THOC2: variants seen among roughly 807,000 people sequenced by gnomAD.
The protein encoded by THOC2 is THO complex 2.
In THOC2, 10 loss-of-function variants were observed where a neutral mutation model predicts 128.4. That is an observed-to-expected ratio of 0.08 (90% confidence interval 0.05 to 0.13). The LOEUF (loss-of-function observed/expected upper bound fraction) is 0.13, where lower values mean the gene tolerates loss of function less well. Among genes scored for constraint, THOC2 ranks in the 10% least tolerant of loss-of-function variants. THOC2 has a pLI of 1.00. For missense variants in THOC2, 535 were observed against 1,155.7 expected, an observed-to-expected ratio of 0.46 and a Z score of 7.79; for synonymous variants, 393 against 396.9, an observed-to-expected ratio of 0.99 and a Z score of 0.12.
intron 15 of THOC2, among the ~76,000 whole-genome samples, chrX:123,643,335 TA>T (rs1032589918): frequency 1.8e-5 from 2 of 111,506 alleles, no homozygotes; most frequent in Non-Finnish European, 3.8e-5. Flanking sequence ...TACCTTCAGG[TA>T]AAGTCAGTCA....
intron 1 of THOC2, among the ~76,000 whole-genome samples, chrX:123,717,754 A>G (rs1229697251): frequency 2.7e-5 from 3 of 110,604 alleles, no homozygotes; most frequent in Admixed American, 9.7e-5. Context: ...AAGCTAAAGT[A>G]TCACACTATT....
rs1222767941 is a variant in THOC2, at chrX:123,613,779, G to A, written c.4450-71C>T. ...TTGTTTTAAAGTATTACTTTTATAT[G>A]AGAAGGGCACAGCTAACTAGCAATG... On this transcript the variant is annotated intron_variant, in intron 34 of 38. Coordinates refer to ENST00000245838, the MANE Select transcript of THOC2 (RefSeq NM_001081550.2). The A allele has an allele frequency of 5.0e-6, 5 of 991,616 alleles. No homozygotes were observed. The African/African-American group carries it at 5.7e-5, about 11-fold the overall frequency. 81.7% of individuals were successfully genotyped at this position (991,616 alleles called of 1,213,427 possible).
intron 2 of THOC2, among the ~76,000 whole-genome samples, chrX:123,712,217 A>G (rs2051224636): frequency 9.0e-6 from 1 of 111,526 alleles, no homozygotes; most frequent in Non-Finnish European, 1.9e-5. Flanking sequence ...CTTTACACTT[A>G]CTAGACACAA....
chrX:123,658,228 G>T (rs1225559742), intron 12 of THOC2, among the ~76,000 whole-genome samples: 1 of 110,748 alleles, frequency 9.0e-6, no homozygotes, highest in African/African-American at 3.3e-5. Flanking sequence ...ACAAAAACAA[G>T]AACAAAAAAC....
intron 30 of THOC2, among the ~76,000 whole-genome samples, chrX:123,622,451 G>A (rs940826128): frequency 2.7e-5 from 3 of 112,335 alleles, no homozygotes; most frequent in Non-Finnish European, 3.8e-5. Flanking sequence ...GATGTAAAGC[G>A]TATCAGCAAA....
intron 4 of THOC2, among the ~76,000 whole-genome samples, chrX:123,700,555 G>A (rs1603312297): frequency 1.7e-5 from 1 of 58,528 alleles, no homozygotes; most frequent in East Asian, 9.9e-4. Context: ...GGGGGGGGGT[G>A]GGGGGGTGGG....
chrX:123,630,298 T>C (rs1178648287), intron 22 of THOC2, among the ~76,000 whole-genome samples: 1 of 111,564 alleles, frequency 9.0e-6, no homozygotes, highest in Admixed American at 9.5e-5. Context: ...CTTCTCACTA[T>C]TGTTCAAAAA....
At chrX:123,706,126 T>C (rs1412691918) in intron 3 of THOC2, among the ~76,000 whole-genome samples, 1 of 111,215 alleles carries the variant, frequency 9.0e-6, no homozygotes, top group Non-Finnish European at 1.9e-5. Context: ...AGAATAACCA[T>C]GTAAAAGAGT....
intron 7 of THOC2, among the ~76,000 whole-genome samples, chrX:123,692,226 C>A (rs1171390471): frequency 8.9e-6 from 1 of 111,811 alleles, no homozygotes; most frequent in African/African-American, 3.3e-5. Flanking sequence ...CCTGTGATAT[C>A]CTTTCCTCTA....
At chrX:123,725,215 A>G (rs1009757057) in intron 1 of THOC2, among the ~76,000 whole-genome samples, 1 of 111,558 alleles carries the variant, frequency 9.0e-6, no homozygotes, top group Non-Finnish European at 1.9e-5. Context: ...TTTGATCCCA[A>G]GTACTTTCAA....
At chrX:123,649,549 AG>A (rs760138859) in intron 12 of THOC2, among the ~76,000 whole-genome samples, 21 of 111,097 alleles carry the variant, frequency 1.9e-4, no homozygotes, top group Middle Eastern at 4.6e-3. Context: ...AAGGAAGCTA[AG>A]AACCTTGAAA....
intron 12 of THOC2, among the ~76,000 whole-genome samples, chrX:123,657,955 ATATGCGTGTGTGTGTGTGTGTG>A (rs1309295893): frequency 2.4e-5 from 2 of 84,191 alleles, no homozygotes; most frequent in African/African-American, 4.5e-5. Flanking sequence ...TTACATACGC[ATATGCGTGTGTGTGTGTGTGTG>A]TGTGTGTGTG....
At chrX:123,731,310 T>TG (rs1016125328) in intron 1 of THOC2, among the ~76,000 whole-genome samples, 10 of 110,763 alleles carry the variant, frequency 9.0e-5, no homozygotes, top group East Asian at 2.9e-4. Flanking sequence ...AAGCATAGGC[T>TG]GGGGGGGCGG....
chrX:123,680,060 CG>C (rs899989770), intron 8 of THOC2, among the ~76,000 whole-genome samples: 2 of 111,682 alleles, frequency 1.8e-5, no homozygotes, highest in African/African-American at 6.5e-5. Flanking sequence ...AAGACCTGAC[CG>C]TCCCCCAGTC....
intron 36 of THOC2, 62 bp from the exon 37 acceptor site, chrX:123,611,578 C>A (rs938394395): frequency 4.0e-6 from 3 of 741,189 alleles, no homozygotes; most frequent in Non-Finnish European, 6.2e-6. Flanking sequence ...CAGCTCAAAA[C>A]CCCTTTTCAT....
Position 123,605,107 on chromosome X carries a change from G to A in THOC2, c.*19-3769C>T, listed in dbSNP as rs16997435. Among the ~76,000 whole-genome samples the A allele has an allele frequency of 8.8e-3, 983 of 111,830 alleles. 7 individuals are homozygous for A. Among genetic ancestry groups the A allele is most frequent in the African/African-American group, 0.03 (923 of 30,757 alleles). ...AAACAGAGTTCCTGAGATGTTCCAC[G>A]TGGATAAAATGTAACAGAGTTAAGA... On this transcript the variant is annotated intron_variant, in intron 38 of 38. Transcript: ENST00000245838.
At chrX:123,623,339 T>C in intron 28 of THOC2, 56 bp from the exon 29 acceptor site, 1 of 1,062,340 alleles carries the variant, frequency 9.4e-7, no homozygotes, top group South Asian at 2.5e-5. Context: ...AACATAAACA[T>C]GAGGTTTTTA....
intron 20 of THOC2, among the ~76,000 whole-genome samples, chrX:123,633,701 G>C (rs757900867): frequency 8.9e-6 from 1 of 111,960 alleles, no homozygotes; most frequent in African/African-American, 3.2e-5. Context: ...ACCACGCCCG[G>C]CCTTATTTGG....
At chrX:123,643,818 G>T (rs1423651697) in intron 15 of THOC2, among the ~76,000 whole-genome samples, 1 of 110,427 alleles carries the variant, frequency 9.1e-6, no homozygotes, top group East Asian at 2.8e-4. Context: ...ATATCACTGG[G>T]CAAGGACAAC....
Sources: allele counts gnomAD v4.1 joint callset (sites outside exome capture counted in the v4.1 genomes callset), GRCh38; gene constraint gnomAD v4.1.1; transcripts MANE v1.5; gene names NCBI Gene and HGNC (gene_info 2026-07-23, HGNC 2026-07-21).